The following ATP5MF variants were observed in gnomAD, a reference collection of about 807,000 sequenced individuals.
ATP5MF encodes ATP synthase membrane subunit f, also known as ATP synthase F(0) complex subunit f, mitochondrial.
In ATP5MF, 10 loss-of-function variants were observed where a neutral mutation model predicts 13.8. That is an observed-to-expected ratio of 0.72 (90% CI 0.45 to 1.23). The LOEUF is 1.23. Among genes scored for constraint, ATP5MF ranks in the 50% most tolerant of loss-of-function variants. The pLI is 0.00. For missense variants in ATP5MF, 122 were observed against 118.2 expected, an observed-to-expected ratio of 1.03 and a Z score of -0.15; for synonymous variants, 40 against 45.8, an observed-to-expected ratio of 0.87 and a Z score of 0.51.
At chr7:99,463,687 A>C (rs1379307956) in intron 1 of ATP5MF, among the ~76,000 whole-genome samples, 2 of 152,122 alleles carry the variant, frequency 1.3e-5, no homozygotes, top group Non-Finnish European at 2.9e-5. Context: ...GAGGCAGGAG[A>C]ATCACTTGAA....
intron 3 of ATP5MF, 101 bp downstream of exon 3, chr7:99,459,046 G>A: frequency 1.2e-6 from 1 of 824,250 alleles, no homozygotes; most frequent in Non-Finnish European, 2.0e-6. Flanking sequence ...TTAACTAAAG[G>A]TCCCTCAGCC....
rs111589916 is a variant in ATP5MF at position 99,460,484 on chromosome 7, G to A, written c.32-291C>T. On this transcript the variant is annotated intron_variant, in intron 1 of 3. Coordinates refer to ENST00000292475, the MANE Select transcript of ATP5MF (RefSeq NM_004889.5). ...AAAGGGTCTCGAAAAAAGCAGTAAC[G>A]TGGCGGACAGGAAAGATTACTGCAA... 4.0e-4 allele frequency: 256 copies of A among 638,506 alleles called. No homozygotes were observed. The African/African-American group carries it at 4.1e-3, about 10-fold the overall frequency. 39.6% of individuals were successfully genotyped at this position (638,506 alleles called of 1,614,324 possible).
chr7:99,458,916 C>T, intron 3 of ATP5MF: 1 of 525,180 alleles, frequency 1.9e-6, no homozygotes, highest in South Asian at 2.2e-5. Context: ...TCTCTTTACC[C>T]TGGCTTCATC....
chr7:99,465,937 G>A (rs1798852988), intron 1 of ATP5MF, among the ~76,000 whole-genome samples, 174 bp downstream of exon 1: 1 of 152,232 alleles, frequency 6.6e-6, no homozygotes, highest in Non-Finnish European at 1.5e-5. Context: ...CAGGCCCTGG[G>A]CAGCAGGAAG....
chr7:99,461,567 G>T (rs1798602668), intron 1 of ATP5MF, among the ~76,000 whole-genome samples: 1 of 152,066 alleles, frequency 6.6e-6, no homozygotes, highest in Non-Finnish European at 1.5e-5. Flanking sequence ...AGGGAGGCCA[G>T]GGCACAGTAG....
chr7:99,463,676 T>C (rs1378057194), intron 1 of ATP5MF, among the ~76,000 whole-genome samples: 1 of 152,112 alleles, frequency 6.6e-6, no homozygotes, highest in Non-Finnish European at 1.5e-5. Context: ...CTTGGGAGGC[T>C]GAGGCAGGAG....
rs184872522 is a variant in ATP5MF at position 99,464,549 on chromosome 7, G to A, written c.31+1562C>T. ...GGGGTGGCGGGCGCCTGTAGTCCCA[G>A]CTACTCAGGAGGCTGAGGCAGGAGA... On this transcript the variant is annotated intron_variant, in intron 1 of 3. Transcript: ENST00000292475. Among the ~76,000 whole-genome samples the A allele has an allele frequency of 4.7e-3, 716 of 152,290 alleles. 3 individuals carry two copies. Among genetic ancestry groups the A allele is most frequent in the African/African-American group, 0.016 (662 of 41,558 alleles).
intron 1 of ATP5MF, among the ~76,000 whole-genome samples, chr7:99,462,469 A>G (rs1331132438): frequency 7.0e-6 from 1 of 143,266 alleles, no homozygotes; most frequent in Non-Finnish European, 1.5e-5. Context: ...ATCCGTGTCA[A>G]AAACAAACAA....
At chr7:99,458,557 C>T (rs186205614) in intron 3 of ATP5MF, among the ~76,000 whole-genome samples, 13 of 152,306 alleles carry the variant, frequency 8.5e-5, no homozygotes, top group South Asian at 2.1e-4. Context: ...GCCACCTGGC[C>T]AACCACTTTC....
chr7:99,458,343 A>G lies in ATP5MF; in HGVS notation c.269T>C (p.Leu90Pro), dbSNP rs770084351. The G allele has an allele frequency of 1.2e-6, 2 of 1,608,954 alleles. No homozygotes were observed. The highest frequency in any genetic ancestry group is 2.2e-5 in the South Asian group (2 of 89,472). Reference protein sequence around the residue: ...FSYKHLKHERLRKYH With the variant: ...FSYKHLKHERPRKYH ...GTGTCCTCTTCAGTGGTATTTGCGG[A>G]GCCGCTCGTGCTCTGAAGTCAGGAA... Residue 90 changes from leucine (L) to proline (P), a missense_variant, in exon 4 of 4, where the codon CTC (leucine) becomes CCC (proline). Physicochemically the swap from Leu to Pro is moderately conservative, Grantham distance 98. Transcript: ENST00000292475.
chr7:99,466,165 G>A lies in ATP5MF; in HGVS notation c.-24C>T, dbSNP rs747314905. 6.8e-6 allele frequency: 11 copies of A among 1,614,158 alleles called. No individual in the cohort carries two copies. The highest frequency in any genetic ancestry group is 9.3e-6 in the Non-Finnish European group (11 of 1,180,016). On this transcript the variant is annotated 5_prime_UTR_variant, in exon 1 of 4. Transcript: ENST00000292475. ...ATTTTGGAGTCCTGGTGTCCGCTGT[G>A]CCGGACCGCGCGAGGGCTGCTGGGT...
chr7:99,463,416 G>A (rs958253967), intron 1 of ATP5MF, among the ~76,000 whole-genome samples: 22 of 152,184 alleles, frequency 1.4e-4, no homozygotes, highest in Admixed American at 1.2e-3. Flanking sequence ...CACTTTGGCC[G>A]AGATGGGAGG....
At chr7:99,465,465 AAAAC>A (rs987227098) in intron 1 of ATP5MF, among the ~76,000 whole-genome samples, 49 of 152,302 alleles carry the variant, frequency 3.2e-4, no homozygotes, top group East Asian at 2.9e-3. Context: ...TAACTATTCA[AAAAC>A]AAACAAACAA....
At chr7:99,462,163 A>T (rs1798634001) in intron 1 of ATP5MF, among the ~76,000 whole-genome samples, 1 of 151,582 alleles carries the variant, frequency 6.6e-6, no homozygotes, top group African/African-American at 2.4e-5. Flanking sequence ...TAAAACCAAC[A>T]CATCAGGGGC....
rs1441161669 is a variant in ATP5MF, at chr7:99,459,118, T to C, written c.256+29A>G. 6 of 1,566,112 alleles carry C rather than the reference T, an allele frequency of 3.8e-6. No individual in the cohort carries two copies. In the East Asian group the frequency reaches 1.1e-4, roughly 29 times the overall value. On this transcript the variant is annotated intron_variant, in intron 3 of 3. Transcript: ENST00000292475. ...GTCACCACCACCCTCTCATGGGAAC[T>C]AAAGGCAAGACGCCGCAGAGGCACT...
intron 3 of ATP5MF, 156 bp downstream of exon 3, chr7:99,458,989 ACT>A (rs375971833): frequency 4.4e-4 from 268 of 605,188 alleles, no homozygotes; most frequent in South Asian, 3.8e-3. Flanking sequence ...CACATACTGT[ACT>A]CTGATAGGTC....
intron 3 of ATP5MF, chr7:99,458,799 G>A (rs1325097079): frequency 6.4e-6 from 2 of 313,822 alleles, no homozygotes; most frequent in Non-Finnish European, 1.2e-5. Flanking sequence ...GCTTTTCTGG[G>A]GTACCAGATT....
intron 2 of ATP5MF, 53 bp from the exon 3 acceptor site, chr7:99,459,316 G>C: frequency 7.4e-7 from 1 of 1,349,906 alleles, no homozygotes; most frequent in Non-Finnish European, 1.1e-6. Flanking sequence ...TTTGAGTGAA[G>C]TTGAGCACAC....
rs555329692 is a variant in ATP5MF at position 99,461,984 on chromosome 7, A to G, written c.32-1791T>C. 2.0e-5 allele frequency among the ~76,000 whole-genome samples: 3 copies of G among 151,840 alleles called. No homozygotes were observed. The South Asian group carries it at 6.3e-4, about 32-fold the overall frequency. Reference sequence around the variant, plus strand: ...GAAAACTCACTTCCTGATCCAGTGAAGCCATTTTTTCACATTCACATAAAC... The same window carrying G: ...GAAAACTCACTTCCTGATCCAGTGAGGCCATTTTTTCACATTCACATAAAC... On this transcript the variant is annotated intron_variant, in intron 1 of 3. Transcript: ENST00000292475.
Sources: gnomAD v4.1 joint callset for allele counts (sites outside exome capture counted in the v4.1 genomes callset) on GRCh38, gnomAD v4.1.1 for gene constraint, MANE v1.5 for transcripts, NCBI Gene and HGNC (gene_info 2026-07-23, HGNC 2026-07-21) for gene names.